The following TMEM131 variants were observed in gnomAD, a reference collection of about 807,000 sequenced individuals.
TMEM131 encodes the protein 2610524E03Rik.
In TMEM131, 66 loss-of-function variants were observed where a neutral mutation model predicts 211.6. The observed-to-expected ratio is 0.31, with a 90% CI of 0.26 to 0.38. The LOEUF (loss-of-function observed/expected upper bound fraction) is 0.38. Ranked by LOEUF, TMEM131 falls within the 10% of genes least tolerant of loss-of-function variation. The pLI, the probability that TMEM131 is intolerant of heterozygous loss-of-function variation, is 1.00. For missense variants in TMEM131, 2,036 were observed against 2,299.3 expected (o/e 0.89, Z 2.34); for synonymous variants, 844 against 841.3 (o/e 1.00, Z -0.06).
At chr2:97,940,053 C>T (rs1677645110) in intron 1 of TMEM131, among the ~76,000 whole-genome samples, 1 of 152,104 alleles carries the variant, frequency 6.6e-6, no homozygotes, top group Non-Finnish European at 1.5e-5. Context: ...ATGACAAACC[C>T]ACAGCCAGTA....
At chr2:97,966,541 TG>T (rs1313742619) in intron 1 of TMEM131, among the ~76,000 whole-genome samples, 1 of 152,150 alleles carries the variant, frequency 6.6e-6, no homozygotes, top group Non-Finnish European at 1.5e-5. Flanking sequence ...TCTGACACAG[TG>T]GCCCTCAATA....
chr2:97,775,821 GT>G (rs1306001502), intron 32 of TMEM131, 21 bp downstream of exon 32: 10 of 1,599,838 alleles, frequency 6.3e-6, no homozygotes, highest in Non-Finnish European at 6.8e-6. Context: ...CTCGTGTTTT[GT>G]TGTGTGAGAT....
intron 11 of TMEM131, among the ~76,000 whole-genome samples, chr2:97,829,933 T>C (rs940242134): frequency 6.6e-6 from 1 of 152,136 alleles, no homozygotes; most frequent in Non-Finnish European, 1.5e-5. Context: ...TGTTAAAATA[T>C]AGTCACTATT....
chr2:97,761,756 C>T (rs1224986880), intron 36 of TMEM131: 5 of 333,458 alleles, frequency 1.5e-5, no homozygotes, highest in Non-Finnish European at 2.7e-5. Context: ...TTCATTGGCT[C>T]ACTGAGAATA....
intron 12 of TMEM131, among the ~76,000 whole-genome samples, chr2:97,818,020 C>T (rs886742656): frequency 6.6e-6 from 1 of 152,086 alleles, no homozygotes; most frequent in Non-Finnish European, 1.5e-5. Context: ...AATGAATGTT[C>T]CAATTAAAGT....
At position 97,814,038 on chromosome 2, in the gene TMEM131, T is replaced by C. The variant is rs574818442; in HGVS notation, c.1550A>G (p.Asn517Ser). 1 of 1,601,538 alleles carries C rather than the reference T, an allele frequency of 6.2e-7. No homozygotes were observed. Among genetic ancestry groups the C allele is most frequent in the African/African-American group, 1.3e-5 (1 of 74,850 alleles). ...AGAAGCATTGGTAATAAGTAAAATG[T>C]TGTTATCAATGTGCATGGATGATGT... ...PSTSSMHIDNNILLITNASKF... is the reference protein window; with the variant it reads ...PSTSSMHIDNSILLITNASKF... Residue 517 changes from asparagine to serine, a missense_variant, in exon 15 of 41, where the codon AAC (asparagine) becomes AGC (serine). Transcript: ENST00000186436.
chr2:97,840,179 A>C (rs937084773), intron 7 of TMEM131, among the ~76,000 whole-genome samples: 3 of 152,220 alleles, frequency 2.0e-5, no homozygotes, highest in African/African-American at 7.2e-5. Flanking sequence ...CTTGAATTAA[A>C]ATGTTTTAAC....
At chr2:97,838,469 G>T in intron 7 of TMEM131, among the ~76,000 whole-genome samples, 1 of 112,578 alleles carries the variant, frequency 8.9e-6, no homozygotes. Flanking sequence ...TTTTGAGACG[G>T]AGTCTCGCCC....
chr2:97,922,345 G>T (rs997159675), intron 2 of TMEM131, among the ~76,000 whole-genome samples: 1 of 152,078 alleles, frequency 6.6e-6, no homozygotes, highest in Non-Finnish European at 1.5e-5. Flanking sequence ...GGGGGTTGGG[G>T]ATCCCTACTC....
chr2:97,937,982 G>A (rs1321695786), intron 1 of TMEM131, among the ~76,000 whole-genome samples: 1 of 152,166 alleles, frequency 6.6e-6, no homozygotes, highest in Non-Finnish European at 1.5e-5. Context: ...AATACTGAGA[G>A]ATTCTGTCAC....
intron 35 of TMEM131, among the ~76,000 whole-genome samples, 183 bp downstream of exon 35, chr2:97,765,931 C>A (rs1679140737): frequency 6.6e-6 from 1 of 151,698 alleles, no homozygotes. Flanking sequence ...AATAATCTTA[C>A]CAGGACTGAT....
intron 31 of TMEM131, among the ~76,000 whole-genome samples, chr2:97,787,541 C>T (rs903844681): frequency 2.1e-4 from 32 of 152,342 alleles, no homozygotes; most frequent in Admixed American, 1.4e-3. Context: ...CTGGACCTCC[C>T]ATTGTCTGGG....
intron 1 of TMEM131, among the ~76,000 whole-genome samples, chr2:97,946,267 AATAT>A (rs1446303582): frequency 6.6e-6 from 1 of 152,058 alleles, no homozygotes; most frequent in Non-Finnish European, 1.5e-5. Context: ...AATAATAAAG[AATAT>A]AAATCAATAA....
At chr2:97,786,779 G>C (rs528986263) in intron 31 of TMEM131, among the ~76,000 whole-genome samples, 2 of 152,150 alleles carry the variant, frequency 1.3e-5, no homozygotes, top group East Asian at 1.9e-4. Flanking sequence ...TGGGTTTGAC[G>C]GGGGGCCGAC....
Position 97,923,626 on chromosome 2 carries a change from TTTAAAA to T in TMEM131, c.249+3794_249+3799del, listed in dbSNP as rs1258904243. On this transcript the variant is annotated intron_variant, in intron 2 of 40. Coordinates refer to ENST00000186436, the MANE Select transcript of TMEM131 (RefSeq NM_015348.2). ...AACAGAGCAAGACACTGTCTTTTTT[TTTAAAA>T]AAAAAAAAAAAAAAAAAAAAAGACA... Among the ~76,000 whole-genome samples, 360 of 61,734 alleles carry T rather than the reference TTTAAAA, an allele frequency of 5.8e-3. 1 individual carries two copies. The highest frequency in any genetic ancestry group is 0.024 in the African/African-American group (312 of 13,242). The allele number at this position is 61,734 out of a possible 152,430, so 40.5% of individuals were successfully genotyped here.
chr2:97,831,385 A>G (rs1050424473), intron 11 of TMEM131, among the ~76,000 whole-genome samples: 2 of 152,222 alleles, frequency 1.3e-5, no homozygotes, highest in African/African-American at 4.8e-5. Flanking sequence ...ATTCTCAGTC[A>G]GCATAGCAGC....
chr2:97,942,002 G>A (rs1677753993), intron 1 of TMEM131, among the ~76,000 whole-genome samples: 1 of 152,126 alleles, frequency 6.6e-6, no homozygotes, highest in African/African-American at 2.4e-5. Flanking sequence ...TATAAATCAT[G>A]CTGCTATAAA....
chr2:97,960,996 C>A (rs1678789101), intron 1 of TMEM131, among the ~76,000 whole-genome samples: 1 of 151,828 alleles, frequency 6.6e-6, no homozygotes, highest in African/African-American at 2.4e-5. Flanking sequence ...ATGAAAATTA[C>A]CAGTAAGCCA....
intron 35 of TMEM131, chr2:97,764,786 A>G (rs1679072964): frequency 1.3e-5 from 2 of 152,244 alleles, no homozygotes; most frequent in African/African-American, 2.4e-5. Flanking sequence ...TCCACACAGA[A>G]GGAGTGATGT....
Sources: gnomAD v4.1 joint callset for allele counts (sites outside exome capture counted in the v4.1 genomes callset) on GRCh38, gnomAD v4.1.1 for gene constraint, MANE v1.5 for transcripts, NCBI Gene and HGNC (gene_info 2026-07-23, HGNC 2026-07-21) for gene names.